Variants in GRID2 observed in about 807,000 individuals in gnomAD.
GRID2 encodes the protein glutamate receptor ionotropic, delta-2.
In GRID2, 33 loss-of-function variants were observed where a neutral mutation model predicts 114.8. That is an observed-to-expected ratio of 0.29 (90% CI 0.22 to 0.38). The LOEUF (loss-of-function observed/expected upper bound fraction) is 0.38, where lower values mean the gene tolerates loss of function less well. GRID2 is among the 10% of genes least tolerant of loss of function. The pLI is 1.00. For missense variants in GRID2, 1,184 were observed against 1,257.7 expected (o/e 0.94, Z 0.89); for synonymous variants, 505 against 449.9 (o/e 1.12, Z -1.55).
chr4:93,222,697 T>C lies in GRID2; in HGVS notation c.964-1917T>C, dbSNP rs375655580. Among the ~76,000 whole-genome samples the C allele has an allele frequency of 5.9e-5, 9 of 152,112 alleles. No individual in the cohort carries two copies. In the East Asian group the frequency reaches 1.5e-3, roughly 26 times the overall value. ...GTTCTCATTGTTCAATTCCCACCTA[T>C]GAGTGAGAACATGCGGTGTTTGGTT... On this transcript the variant is annotated intron_variant, in intron 6 of 15. Coordinates refer to ENST00000282020, the MANE Select transcript of GRID2 (RefSeq NM_001510.4).
chr4:92,998,795 G>T (rs1283272664), intron 2 of GRID2, among the ~76,000 whole-genome samples: 2 of 150,770 alleles, frequency 1.3e-5, no homozygotes, highest in African/African-American at 4.9e-5. Flanking sequence ...AAATTTGATG[G>T]CGTTTTATTT....
intron 14 of GRID2, among the ~76,000 whole-genome samples, chr4:93,687,694 A>G (rs1439534930): frequency 6.6e-6 from 1 of 152,008 alleles, no homozygotes; most frequent in African/African-American, 2.4e-5. Flanking sequence ...GTGAGGATAA[A>G]AATCCAATTA....
At chr4:93,555,538 A>T (rs1052527194) in intron 13 of GRID2, among the ~76,000 whole-genome samples, 1 of 152,234 alleles carries the variant, frequency 6.6e-6, no homozygotes, top group Admixed American at 6.5e-5. Context: ...CAAAGGTGCT[A>T]TAGCCAGACT....
At chr4:93,469,682 A>G (rs1451336640) in intron 11 of GRID2, among the ~76,000 whole-genome samples, 4 of 152,124 alleles carry the variant, frequency 2.6e-5, no homozygotes, top group Admixed American at 2.6e-4. Context: ...ATAAGATTAA[A>G]TAGACACTAG....
At chr4:93,596,564 T>C (rs1412715585) in intron 13 of GRID2, among the ~76,000 whole-genome samples, 2 of 150,684 alleles carry the variant, frequency 1.3e-5, no homozygotes, top group Admixed American at 1.3e-4. Flanking sequence ...GGCGACAGAG[T>C]GAGACTCGGT....
chr4:93,728,897 G>T (rs1024169323), intron 14 of GRID2, among the ~76,000 whole-genome samples: 4 of 152,026 alleles, frequency 2.6e-5, no homozygotes, highest in African/African-American at 9.7e-5. Flanking sequence ...TGTGAGATGG[G>T]TTTGCTGAAT....
chr4:92,975,177 A>AAAAAAAAAAAAAAAAAT (rs1310072078), intron 2 of GRID2, among the ~76,000 whole-genome samples: 1 of 149,268 alleles, frequency 6.7e-6, no homozygotes, highest in Non-Finnish European at 1.5e-5. Flanking sequence ...AAAAAAAAAA[A>AAAAAAAAAAAAAAAAAT]GGTGTTGATT....
chr4:93,672,679 G>T (rs1256316568), intron 14 of GRID2, among the ~76,000 whole-genome samples: 1 of 152,146 alleles, frequency 6.6e-6, no homozygotes, highest in East Asian at 1.9e-4. Context: ...ATAAACTTTT[G>T]TCTGAGCAAA....
chr4:92,355,896 C>G (rs77452591), intron 1 of GRID2, among the ~76,000 whole-genome samples: 2,673 of 151,772 alleles, frequency 0.018, 39 homozygotes, highest in Non-Finnish European at 0.029. Flanking sequence ...CCATGCCAGA[C>G]AGTAAAATTT....
At chr4:93,320,104 G>T (rs1301218073) in intron 8 of GRID2, among the ~76,000 whole-genome samples, 3 of 152,022 alleles carry the variant, frequency 2.0e-5, no homozygotes, top group East Asian at 1.9e-4. Context: ...ACAAACAAAA[G>T]GATCTGTATG....
At chr4:93,521,812 G>A (rs994836524) in intron 13 of GRID2, among the ~76,000 whole-genome samples, 4 of 152,128 alleles carry the variant, frequency 2.6e-5, no homozygotes, top group Non-Finnish European at 4.4e-5. Context: ...TTCAAGCCAC[G>A]TTGGAGGAGT....
chr4:93,072,932 C>G (rs990617017), intron 2 of GRID2, among the ~76,000 whole-genome samples: 1 of 152,166 alleles, frequency 6.6e-6, no homozygotes, highest in South Asian at 2.1e-4. Context: ...TAAATTATAA[C>G]TGCATAAAAT....
chr4:93,754,193 G>A (rs1005494791), intron 14 of GRID2, among the ~76,000 whole-genome samples: 1 of 152,072 alleles, frequency 6.6e-6, no homozygotes. Flanking sequence ...TATATATATG[G>A]TCTGTCAGTG....
rs534006799 is a variant in GRID2, at chr4:93,423,433, C to T, written c.1545+465C>T. ...CTGGATCTCGGCTCACTGCAAGCTCCGCCTCCTAGGTTCGCGCCATTCTCC... is the reference window on the plus strand; with the variant it reads ...CTGGATCTCGGCTCACTGCAAGCTCTGCCTCCTAGGTTCGCGCCATTCTCC... On this transcript the variant is annotated intron_variant, in intron 10 of 15. Transcript: ENST00000282020. Among the ~76,000 whole-genome samples, 10 of 145,160 alleles carry T rather than the reference C, an allele frequency of 6.9e-5. No homozygotes were observed. The South Asian group carries it at 2.0e-3, about 28-fold the overall frequency.
intron 2 of GRID2, among the ~76,000 whole-genome samples, chr4:92,650,666 C>T (rs1731882334): frequency 6.6e-6 from 1 of 151,654 alleles, no homozygotes; most frequent in Admixed American, 6.6e-5. Flanking sequence ...TGGAAGCACT[C>T]TTCTTTCTGG....
At chr4:92,379,156 G>A (rs563127437) in intron 1 of GRID2, among the ~76,000 whole-genome samples, 1 of 151,856 alleles carries the variant, frequency 6.6e-6, no homozygotes, top group Admixed American at 6.6e-5. Context: ...ATTTAAACAT[G>A]TACTTGTATG....
chr4:92,363,542 A>G (rs1057475685), intron 1 of GRID2, among the ~76,000 whole-genome samples: 12 of 152,066 alleles, frequency 7.9e-5, no homozygotes, highest in African/African-American at 2.7e-4. Flanking sequence ...AAGGATTATT[A>G]AACTATGGTC....
At chr4:93,392,331 C>T (rs1241561073) in intron 8 of GRID2, among the ~76,000 whole-genome samples, 1 of 152,020 alleles carries the variant, frequency 6.6e-6, no homozygotes, top group Admixed American at 6.6e-5. Context: ...ATTCAGACAT[C>T]GAAACCAGAG....
At chr4:93,567,369 A>G (rs1473850638) in intron 13 of GRID2, among the ~76,000 whole-genome samples, 1 of 152,214 alleles carries the variant, frequency 6.6e-6, no homozygotes, top group Non-Finnish European at 1.5e-5. Context: ...TTACCAATGC[A>G]TTAGTAACAC....
Sources: gnomAD v4.1 joint callset for allele counts (sites outside exome capture counted in the v4.1 genomes callset) on GRCh38, gnomAD v4.1.1 for gene constraint, MANE v1.5 for transcripts, NCBI Gene and HGNC (gene_info 2026-07-23, HGNC 2026-07-21) for gene names.